The following EPB41L5 variants were observed in gnomAD, a reference collection of about 807,000 sequenced individuals.
EPB41L5 encodes the protein erythrocyte membrane protein band 4.1 like 5.
EPB41L5 carries 55 observed loss-of-function variants against 106.6 expected under a neutral mutation model. The ratio of observed to expected loss-of-function variants is 0.52; its 90% CI spans 0.42 to 0.65. The LOEUF is 0.65. Among genes scored for constraint, EPB41L5 ranks in the 30% least tolerant of loss-of-function variants. The pLI, the probability that EPB41L5 is intolerant of heterozygous loss-of-function variation, is 0.00. For synonymous variants in EPB41L5, 297 were observed against 306.7 expected (o/e 0.97, Z 0.33); for missense variants, 871 against 882.1 (o/e 0.99, Z 0.16).
At chr2:120,069,812 A>G (rs1275970074) in intron 3 of EPB41L5, among the ~76,000 whole-genome samples, 2 of 152,180 alleles carry the variant, frequency 1.3e-5, no homozygotes, top group African/African-American at 4.8e-5. Flanking sequence ...GGACACAGCT[A>G]AGCAGTGTTT....
chr2:120,126,796 T>G (rs1400084283), intron 16 of EPB41L5, among the ~76,000 whole-genome samples: 2 of 152,216 alleles, frequency 1.3e-5, no homozygotes, highest in Non-Finnish European at 2.9e-5. Flanking sequence ...GATTGGCTGG[T>G]CAATTCTACA....
At chr2:120,152,587 C>T (rs2105516774) in intron 20 of EPB41L5, among the ~76,000 whole-genome samples, 1 of 152,262 alleles carries the variant, frequency 6.6e-6, no homozygotes, top group East Asian at 1.9e-4. Flanking sequence ...CTTTATTTGA[C>T]TTTGGTGACA....
At chr2:120,070,074 A>G (rs1681751979) in intron 3 of EPB41L5, among the ~76,000 whole-genome samples, 1 of 152,072 alleles carries the variant, frequency 6.6e-6, no homozygotes, top group African/African-American at 2.4e-5. Context: ...AACAAAATAG[A>G]TAGACCACTA....
chr2:120,095,221 T>A (rs1683665882), intron 14 of EPB41L5, among the ~76,000 whole-genome samples: 1 of 152,224 alleles, frequency 6.6e-6, no homozygotes, highest in Admixed American at 6.5e-5. Flanking sequence ...GTATGTGTTG[T>A]TAATTGTTAT....
At chr2:120,021,783 A>G (rs1229037438) in intron 2 of EPB41L5, among the ~76,000 whole-genome samples, 1 of 152,248 alleles carries the variant, frequency 6.6e-6, no homozygotes. Context: ...CCAGAAGAAT[A>G]ATAATTTCTA....
rs56237526 is a variant in EPB41L5 at position 120,075,599 on chromosome 2, G to A, written c.452+79G>A. 1,498 of 1,423,514 alleles carry A rather than the reference G, an allele frequency of 1.1e-3. 8 individuals carry two copies. In the African/African-American group the frequency reaches 0.019, roughly 18 times the overall value. The allele number at this position is 1,423,514 out of a possible 1,614,324, so 88.2% of individuals were successfully genotyped here. ...TTATTTTGAAAATAAGTTTATAGTT[G>A]TAAAAAAGAAATGGTCAACATAAAA... On this transcript the variant is annotated intron_variant, in intron 6 of 24. Transcript: ENST00000263713.
chr2:120,098,440 T>C (rs1018568760), intron 14 of EPB41L5, among the ~76,000 whole-genome samples: 4 of 152,164 alleles, frequency 2.6e-5, no homozygotes, highest in African/African-American at 9.7e-5. Flanking sequence ...CTCAAAGTCC[T>C]AGGCTCAGGC....
chr2:120,169,394 G>T (rs1687566157), intron 24 of EPB41L5, among the ~76,000 whole-genome samples: 1 of 152,138 alleles, frequency 6.6e-6, no homozygotes, highest in Non-Finnish European at 1.5e-5. Context: ...ACTTATAGAA[G>T]AAAACATGAG....
At chr2:120,019,654 A>G (rs1014857106) in intron 2 of EPB41L5, among the ~76,000 whole-genome samples, 1 of 152,218 alleles carries the variant, frequency 6.6e-6, no homozygotes, top group Admixed American at 6.5e-5. Context: ...TTAAATGTGT[A>G]CTGTAAGACT....
At chr2:120,133,498 G>C (rs894057738) in intron 18 of EPB41L5, among the ~76,000 whole-genome samples, 2 of 152,116 alleles carry the variant, frequency 1.3e-5, no homozygotes, top group African/African-American at 4.8e-5. Flanking sequence ...TTGTTGGTCT[G>C]TCTGTCGGAA....
Position 120,146,214 on chromosome 2 carries a change from C to T in EPB41L5, c.1729-11C>T, listed in dbSNP as rs755398451. The T allele has an allele frequency of 1.4e-5, 21 of 1,536,584 alleles. No homozygotes were observed. The highest frequency in any genetic ancestry group is 1.2e-5 in the Non-Finnish European group (13 of 1,115,082). ...TAAAGATTTACTTTTTTTAATATTT[C>T]ATTTTCTTAGGTTACAAAAGAAGAT... On this transcript the variant is annotated splice_polypyrimidine_tract_variant and intron_variant, in intron 19 of 24. Transcript: ENST00000263713.
chr2:120,021,408 G>A (rs1464817684), intron 2 of EPB41L5, among the ~76,000 whole-genome samples: 1 of 152,070 alleles, frequency 6.6e-6, no homozygotes, highest in Non-Finnish European at 1.5e-5. Context: ...ACTTTGGGAG[G>A]CCGAGGTGGG....
At chr2:120,136,513 C>A (rs1685931354) in intron 18 of EPB41L5, among the ~76,000 whole-genome samples, 1 of 146,962 alleles carries the variant, frequency 6.8e-6, no homozygotes, top group Non-Finnish European at 1.5e-5. Context: ...CTACAAGATG[C>A]ACATTTTACC....
intron 18 of EPB41L5, among the ~76,000 whole-genome samples, chr2:120,140,356 A>G (rs982451164): frequency 6.6e-6 from 1 of 152,032 alleles, no homozygotes; most frequent in Admixed American, 6.6e-5. Flanking sequence ...TACTCCATTT[A>G]CCCTGATGTG....
At chr2:120,093,326 G>C (rs1314642220) in intron 14 of EPB41L5, 50 bp downstream of exon 14, 2 of 1,466,498 alleles carry the variant, frequency 1.4e-6, no homozygotes, top group African/African-American at 2.8e-5. Flanking sequence ...TGGGATTTAT[G>C]TAGTTGCTAT....
chr2:120,104,732 C>A (rs1684349052), intron 16 of EPB41L5: 2 of 930,304 alleles, frequency 2.1e-6, no homozygotes, highest in Non-Finnish European at 2.6e-6. Context: ...GTGACACATA[C>A]CTTAATTTAA....
At chr2:120,146,181 A>G (rs760479882) in intron 19 of EPB41L5, 44 bp from the exon 20 acceptor site, 1 of 1,173,548 alleles carries the variant, frequency 8.5e-7, no homozygotes, top group Non-Finnish European at 1.3e-6. Flanking sequence ...TTACTTTAGT[A>G]TCCTCAATAA....
At chr2:120,086,157 C>T (rs1001691298) in intron 10 of EPB41L5, among the ~76,000 whole-genome samples, 4 of 152,142 alleles carry the variant, frequency 2.6e-5, no homozygotes, top group Non-Finnish European at 4.4e-5. Flanking sequence ...GCCAAGATCA[C>T]GCCACTGCAC....
At chr2:120,106,552 C>A in intron 16 of EPB41L5, 1 of 985,410 alleles carries the variant, frequency 1.0e-6, no homozygotes, top group Non-Finnish European at 1.2e-6. Context: ...AAGCACCTTA[C>A]TGGGTCACCA....
Sources: gnomAD v4.1 joint callset for allele counts (sites outside exome capture counted in the v4.1 genomes callset) on GRCh38, gnomAD v4.1.1 for gene constraint, MANE v1.5 for transcripts, NCBI Gene and HGNC (gene_info 2026-07-23, HGNC 2026-07-21) for gene names.